MMEL1: variants seen among roughly 807,000 people sequenced by gnomAD.
The protein encoded by MMEL1 is membrane metallo-endopeptidase-like 1.
Under a neutral mutation model 117.1 loss-of-function variants are expected in MMEL1, and 98 were observed. That is an observed-to-expected ratio of 0.84 (90% CI 0.71 to 0.99). MMEL1 has a LOEUF of 0.99. Ranked by LOEUF, MMEL1 falls within the 50% of genes least tolerant of loss-of-function variation. MMEL1 has a pLI of 0.00. For synonymous variants in MMEL1, 390 were observed against 415.1 expected, an observed-to-expected ratio of 0.94 and a Z score of 0.74; for missense variants, 1,014 against 1,049.1, an observed-to-expected ratio of 0.97 and a Z score of 0.46.
In MMEL1 at chr1:2,590,864, C is replaced by T. The variant is rs1293747599; in HGVS notation, c.*126G>A. The T allele has an allele frequency of 2.8e-6, 2 of 713,920 alleles. No homozygotes were observed. The highest frequency in any genetic ancestry group is 4.1e-6 in the Non-Finnish European group (2 of 486,404). The allele number at this position is 713,920 out of a possible 1,614,324, so 44.2% of individuals were successfully genotyped here. On this transcript the variant is annotated 3_prime_UTR_variant, in exon 24 of 24. Transcript: ENST00000378412. ...TGCACCCTAGGCCAGGCGCAGAGGC[C>T]TGGCAGGCAGGCTTGGCATGGTTGG...
intron 1 of MMEL1, 133 bp from the exon 2 acceptor site, chr1:2,629,654 C>A: frequency 1.3e-6 from 1 of 756,548 alleles, no homozygotes; most frequent in Non-Finnish European, 2.0e-6. Flanking sequence ...TCTCCCTCTC[C>A]AAGCTCACAA....
In MMEL1 at chr1:2,595,938, G is replaced by A. The variant is rs1007925337; in HGVS notation, c.1500+71C>T. 2 of 1,364,064 alleles carry A rather than the reference G, an allele frequency of 1.5e-6. No homozygotes were observed. The highest frequency in any genetic ancestry group is 2.1e-6 in the Non-Finnish European group (2 of 958,962). The allele number at this position is 1,364,064 out of a possible 1,614,324, so 84.5% of individuals were successfully genotyped here. Reference sequence around the variant, plus strand: ...CTTCTCCCCGTGGGGACCGTCAGGAGGCTTTGTCGGGGCGGTGCTGCCCGT... The same window carrying A: ...CTTCTCCCCGTGGGGACCGTCAGGAAGCTTTGTCGGGGCGGTGCTGCCCGT... On this transcript the variant is annotated intron_variant, in intron 15 of 23. Coordinates refer to ENST00000378412, the MANE Select transcript of MMEL1 (RefSeq NM_033467.4). The surrounding 1 kb of genome is among the most constrained non-coding windows in gnomAD (Gnocchi z 4.8).
intron 2 of MMEL1, among the ~76,000 whole-genome samples, chr1:2,614,174 TA>T (rs1270727513): frequency 1.3e-5 from 2 of 152,218 alleles, no homozygotes; most frequent in African/African-American, 4.8e-5. Context: ...TATGCAAAGT[TA>T]AAAAATTATT....
rs557562891 is a variant in MMEL1, at chr1:2,612,448, C to T, written c.155-244G>A. ...GCGGTTTGCCCTGCCTTGCCAGCCC[C>T]ACCCTTTAATTCTCCCTCCACCCAC... On this transcript the variant is annotated intron_variant, in intron 2 of 23. Transcript: ENST00000378412. The surrounding 1 kb of genome is among the most constrained non-coding windows in gnomAD (Gnocchi z 5.4). 1.4e-4 allele frequency among the ~76,000 whole-genome samples: 21 copies of T among 152,292 alleles called. No homozygotes were observed. The highest frequency in any genetic ancestry group is 1.9e-4 in the Non-Finnish European group (13 of 68,014).
chr1:2,609,797 C>A lies in MMEL1; in HGVS notation c.327G>T (p.Thr109=). ...ARILQNMDPT[T]EPCDDFYQFA... is the part of the protein sequence containing the mutation. ...ACTGGTAGAAGTCGTCACACGGTTC[C>A]GTGGTCGGGTCCATGTTCTGGAGGA... The change falls in exon 5 of 24, where the codon ACG becomes ACT. Residue 109 remains threonine, a synonymous_variant. Coordinates refer to ENST00000378412, the MANE Select transcript of MMEL1 (RefSeq NM_033467.4). 6.2e-7 allele frequency: 1 copy of A among 1,613,104 alleles called. No individual in the cohort carries two copies. Among genetic ancestry groups the A allele is most frequent in the Non-Finnish European group, 8.5e-7 (1 of 1,179,568 alleles).
chr1:2,599,856 CAA>C (rs150372081), intron 11 of MMEL1, among the ~76,000 whole-genome samples: 5 of 126,498 alleles, frequency 4.0e-5, no homozygotes, highest in East Asian at 2.3e-4. Flanking sequence ...GACTTTGTCT[CAA>C]AAAAAAAAAA....
rs147088948 is a variant in MMEL1, at chr1:2,591,573, T to A, written c.2224A>T (p.Ser742Cys). 1 of 1,613,684 alleles carries A rather than the reference T, an allele frequency of 6.2e-7. No individual in the cohort carries two copies. Residue 742 changes from serine to cysteine, a missense_variant, in exon 23 of 24, where the codon AGT (serine) becomes TGT (cysteine). Ser to Cys is a moderately radical substitution (Grantham distance 112). Coordinates refer to ENST00000378412, the MANE Select transcript of MMEL1 (RefSeq NM_033467.4). ...GAGACTTGCCTGTACTTCAGGGGAC[T>A]GTGGACGTCTGTCTTGATGGATTGG... ...AIQSIKTDVH[S>C]PLKYRVLGSL...
intron 13 of MMEL1, among the ~76,000 whole-genome samples, chr1:2,597,057 T>G (rs755343149): frequency 5.3e-5 from 8 of 152,072 alleles, no homozygotes; most frequent in Non-Finnish European, 8.8e-5. Flanking sequence ...TGGGACCACG[T>G]CCCTCTCAGC....
chr1:2,592,858 GAGT>G lies in MMEL1; in HGVS notation c.1973_1975del (p.Tyr658del). On this transcript the variant is annotated inframe_deletion, in exon 20 of 24. Coordinates refer to ENST00000378412, the MANE Select transcript of MMEL1 (RefSeq NM_033467.4). Reference sequence around the variant, plus strand: ...GTTCTGTTCGTCTGCCAGGTCCCAGGAGTAGTTGCCGTACTGGTAGATCATGCA... The same window carrying G: ...GTTCTGTTCGTCTGCCAGGTCCCAGGAGTTGCCGTACTGGTAGATCATGCA... The G allele has an allele frequency of 6.2e-7, 1 of 1,613,748 alleles. No individual in the cohort carries two copies. The highest frequency in any genetic ancestry group is 8.5e-7 in the Non-Finnish European group (1 of 1,179,940).
At position 2,591,783 on chromosome 1, in the gene MMEL1, C is replaced by A. The variant is rs550041628; in HGVS notation, c.2163+149G>T. ...CCCCTCCTCCCATCAGCATTGAAAT[C>A]CTGTCCAGCTCCCGCCCCCTGCCCC... On this transcript the variant is annotated intron_variant, in intron 22 of 23. Transcript: ENST00000378412. 3.6e-4 allele frequency: 375 copies of A among 1,043,194 alleles called. 1 individual carries two copies. The highest frequency in any genetic ancestry group is 5.0e-4 in the Non-Finnish European group (341 of 675,746). 64.6% of individuals were successfully genotyped at this position (1,043,194 alleles called of 1,614,324 possible). A position where few individuals can be genotyped will look rare whatever the true frequency, so the allele number is the denominator to read the frequency against.
rs529531185 is a variant in MMEL1, at chr1:2,606,828, C to T, written c.631+146G>A. On this transcript the variant is annotated intron_variant, in intron 7 of 23. Coordinates refer to ENST00000378412, the MANE Select transcript of MMEL1 (RefSeq NM_033467.4). ...ACCTCCCAGGACCCTGAGGTTGCCC[C>T]GGCTGGGTTGGGCCTCTTGGGGCTC... The T allele has an allele frequency of 2.4e-4, 167 of 710,200 alleles. 2 individuals carry two copies. In the African/African-American group the frequency reaches 2.5e-3, roughly 11 times the overall value. The allele number at this position is 710,200 out of a possible 1,614,324, so 44.0% of individuals were successfully genotyped here. A position where few individuals can be genotyped will look rare whatever the true frequency, so the allele number is the denominator to read the frequency against.
chr1:2,614,802 C>T (rs560383364), intron 2 of MMEL1, among the ~76,000 whole-genome samples: 1 of 151,334 alleles, frequency 6.6e-6, no homozygotes, highest in African/African-American at 2.4e-5. Flanking sequence ...TAAAAGAAGC[C>T]AGGGCTCCTT....
intron 10 of MMEL1, 70 bp from the exon 11 acceptor site, chr1:2,604,043 G>A: frequency 6.3e-7 from 1 of 1,588,164 alleles, no homozygotes; most frequent in African/African-American, 1.3e-5. Context: ...CCCAGTCCCT[G>A]CCTGCTACCG....
Position 2,612,145 on chromosome 1 carries a change from CA to C in MMEL1, c.213del (p.Phe71LeufsTer2). ...RLCFLQEERT[F>X]VKRKPRGIPE... Reference sequence around the variant, plus strand: ...AGGCTACCTCGGGGTTTTCGTTTTACAAAGGTCCTCTCCTCCTGTAAGAAGC... The same window carrying C: ...AGGCTACCTCGGGGTTTTCGTTTTACAAGGTCCTCTCCTCCTGTAAGAAGC... On this transcript the variant is annotated frameshift_variant, in exon 3 of 24. Coordinates refer to ENST00000378412, the MANE Select transcript of MMEL1 (RefSeq NM_033467.4). LOFTEE classifies it high-confidence loss of function. The surrounding 1 kb of genome is among the most constrained non-coding windows in gnomAD (Gnocchi z 5.4). 1 of 1,581,080 alleles carries C rather than the reference CA, an allele frequency of 6.3e-7. No homozygotes were observed. The highest frequency in any genetic ancestry group is 8.6e-7 in the Non-Finnish European group (1 of 1,162,260).
chr1:2,618,062 C>T (rs1040788285), intron 2 of MMEL1, among the ~76,000 whole-genome samples: 8 of 152,116 alleles, frequency 5.3e-5, no homozygotes, highest in Non-Finnish European at 7.3e-5. Context: ...TAAAGTTTTC[C>T]AAATGCCTTG....
intron 8 of MMEL1, 53 bp downstream of exon 8, chr1:2,606,195 C>G (rs1645023774): frequency 6.9e-7 from 1 of 1,448,208 alleles, no homozygotes; most frequent in Non-Finnish European, 9.7e-7. Flanking sequence ...TGCAAGAGCC[C>G]CCAGCCAGGC....
At chr1:2,608,729 T>C (rs986263074) in intron 6 of MMEL1, among the ~76,000 whole-genome samples, 81 of 151,914 alleles carry the variant, frequency 5.3e-4, no homozygotes, top group African/African-American at 2.0e-3. Flanking sequence ...CTATACACAA[T>C]ACACATGTGA....
intron 4 of MMEL1, 138 bp from the exon 5 acceptor site, chr1:2,609,969 C>T (rs1301762407): frequency 1.1e-5 from 10 of 941,722 alleles, no homozygotes; most frequent in Non-Finnish European, 1.6e-5. Flanking sequence ...CAGCTGTGTG[C>T]CCAGGGAGAG....
At chr1:2,610,472 C>G (rs1168568241) in intron 4 of MMEL1, among the ~76,000 whole-genome samples, 1 of 152,216 alleles carries the variant, frequency 6.6e-6, no homozygotes, top group Admixed American at 6.5e-5. Context: ...AGGAGGTGCT[C>G]AGCTGGTGAC....
Sources: gnomAD v4.1 joint callset for allele counts (sites outside exome capture counted in the v4.1 genomes callset) on GRCh38, gnomAD v4.1.1 for gene constraint, Gnocchi (gnomAD v3.1) non-coding constraint, MANE v1.5 for transcripts, NCBI Gene and HGNC (gene_info 2026-07-23, HGNC 2026-07-21) for gene names.